Variants in UBR2 observed in about 807,000 individuals in gnomAD.
The protein encoded by UBR2 is E3 ubiquitin-protein ligase UBR2.
A neutral mutation model predicts 247.9 loss-of-function variants in UBR2; 92 were observed. The ratio of observed to expected loss-of-function variants is 0.37; its 90% CI spans 0.31 to 0.44. UBR2 has a LOEUF of 0.44. UBR2 is among the 20% of genes least tolerant of loss of function. The pLI is 1.00. For missense variants in UBR2, 1,613 were observed against 2,112.6 expected, an observed-to-expected ratio of 0.76 and a Z score of 4.64; for synonymous variants, 672 against 693.5, an observed-to-expected ratio of 0.97 and a Z score of 0.49.
chr6:42,632,049 G>T (rs1380774921), intron 11 of UBR2, among the ~76,000 whole-genome samples: 3 of 53,484 alleles, frequency 5.6e-5, no homozygotes, highest in South Asian at 7.1e-4. Flanking sequence ...ACATGTATTT[G>T]CTTATTTAAA....
chr6:42,582,828 G>T (rs919863900), intron 2 of UBR2, among the ~76,000 whole-genome samples: 3 of 151,556 alleles, frequency 2.0e-5, no homozygotes, highest in Admixed American at 1.3e-4. Context: ...TCTATTTAAT[G>T]ATATCTCATT....
chr6:42,629,958 T>G (rs1485626741), intron 11 of UBR2, among the ~76,000 whole-genome samples: 1 of 152,132 alleles, frequency 6.6e-6, no homozygotes, highest in Non-Finnish European at 1.5e-5. Flanking sequence ...AGTCAAGGCC[T>G]TGCTGTGTTG....
In UBR2 at chr6:42,605,755, AATG is replaced by A; in HGVS notation, c.702_704del (p.Asp234del). 6.2e-7 allele frequency: 1 copy of A among 1,611,886 alleles called. No individual in the cohort carries two copies. Among genetic ancestry groups the A allele is most frequent in the Non-Finnish European group, 8.5e-7 (1 of 1,179,212 alleles). ...TGACACCTACTATTGCATGCTGTTT[AATG>A]ATGAGGTTCACACCTATGAACAAGT... On this transcript the variant is annotated inframe_deletion, in exon 6 of 47. Transcript: ENST00000372901.
chr6:42,620,481 G>GTTGTTTTT (rs1794904765), intron 11 of UBR2: 2 of 66,620 alleles, frequency 3.0e-5, no homozygotes, highest in African/African-American at 7.5e-5. Flanking sequence ...ATTAAGTGTT[G>GTTGTTTTT]TTTTTTTTTT....
chr6:42,631,159 T>G (rs1302589988), intron 11 of UBR2, among the ~76,000 whole-genome samples: 1 of 152,174 alleles, frequency 6.6e-6, no homozygotes, highest in Non-Finnish European at 1.5e-5. Context: ...TCTTGACTTA[T>G]GCGAGGCCTG....
chr6:42,646,410 C>T (rs1796754317), intron 21 of UBR2, among the ~76,000 whole-genome samples: 2 of 152,218 alleles, frequency 1.3e-5, no homozygotes, highest in Non-Finnish European at 2.9e-5. Context: ...TCACCAGCTT[C>T]AACAGAGGCC....
intron 41 of UBR2, 118 bp from the exon 42 acceptor site, chr6:42,679,606 G>A (rs1798911238): frequency 5.4e-6 from 4 of 736,342 alleles, no homozygotes; most frequent in Middle Eastern, 2.4e-4. Flanking sequence ...TACAAGTTAC[G>A]TACCTGGCAA....
intron 11 of UBR2, among the ~76,000 whole-genome samples, chr6:42,624,418 G>A (rs948723707): frequency 6.6e-6 from 1 of 151,746 alleles, no homozygotes; most frequent in Non-Finnish European, 1.5e-5. Context: ...CTACCAAAGT[G>A]TTGGGATTAC....
At chr6:42,643,823 G>T (rs536994750) in intron 18 of UBR2, among the ~76,000 whole-genome samples, 1 of 151,958 alleles carries the variant, frequency 6.6e-6, no homozygotes, top group Non-Finnish European at 1.5e-5. Context: ...ATACTAGAAG[G>T]TTACTTAATA....
chr6:42,575,086 T>A (rs146448681), intron 2 of UBR2, among the ~76,000 whole-genome samples: 6 of 152,354 alleles, frequency 3.9e-5, no homozygotes, highest in African/African-American at 1.4e-4. Flanking sequence ...ATATGTTACA[T>A]ATACTGAGCT....
Position 42,652,011 on chromosome 6 carries a change from AT to A in UBR2, c.2566-6del. ...ACTAATTCCCGGTCCAAATAACTTT[AT>A]TTTTTATTAGGCAGAAGAAGCGCAA... is the stretch of plus-strand genomic sequence containing the variant. On this transcript the variant is annotated splice_polypyrimidine_tract_variant and intron_variant, in intron 23 of 46. Transcript: ENST00000372901. 6.3e-7 allele frequency: 1 copy of A among 1,585,176 alleles called. No homozygotes were observed. Among genetic ancestry groups the A allele is most frequent in the Middle Eastern group, 1.7e-4 (1 of 5,944 alleles).
chr6:42,570,295 T>G (rs1791034553), intron 1 of UBR2, among the ~76,000 whole-genome samples: 1 of 152,214 alleles, frequency 6.6e-6, no homozygotes, highest in Admixed American at 6.5e-5. Flanking sequence ...TACAGTGGCG[T>G]GATCTAGGCT....
At chr6:42,594,348 TATTTTGAG>T in intron 4 of UBR2, 44 bp downstream of exon 4, 1 of 1,483,848 alleles carries the variant, frequency 6.7e-7, no homozygotes, top group Non-Finnish European at 9.4e-7. Flanking sequence ...AAGTTTGAAA[TATTTTGAG>T]AAATAGTCAT....
chr6:42,621,547 C>A (rs1794997699), intron 11 of UBR2, among the ~76,000 whole-genome samples: 1 of 151,940 alleles, frequency 6.6e-6, no homozygotes, highest in Non-Finnish European at 1.5e-5. Flanking sequence ...ACTGCAACCT[C>A]CGCCTCCCGG....
chr6:42,594,543 A>G (rs1792853091), intron 4 of UBR2, among the ~76,000 whole-genome samples: 2 of 152,192 alleles, frequency 1.3e-5, no homozygotes, highest in South Asian at 4.1e-4. Context: ...TGTTTTAAGC[A>G]TACTTGAAGT....
intron 42 of UBR2, among the ~76,000 whole-genome samples, chr6:42,682,172 C>T (rs1799095374): frequency 6.6e-6 from 1 of 152,120 alleles, no homozygotes; most frequent in Admixed American, 6.5e-5. Flanking sequence ...AGGATAAATA[C>T]TGTATGATTC....
rs1002164936 is a variant in UBR2, at chr6:42,692,489, C to T, written c.*1316C>T. On this transcript the variant is annotated 3_prime_UTR_variant, in exon 47 of 47. Coordinates refer to ENST00000372901, the MANE Select transcript of UBR2 (RefSeq NM_001363705.2). Reference sequence around the variant, plus strand: ...ACTACTATTGTTTGATGTATGACTGCTGAGAGCTTGAATACATGCAGAGAG... The same window carrying T: ...ACTACTATTGTTTGATGTATGACTGTTGAGAGCTTGAATACATGCAGAGAG... 2.0e-5 allele frequency: 3 copies of T among 152,170 alleles called. No homozygotes were observed. The highest frequency in any genetic ancestry group is 7.2e-5 in the African/African-American group (3 of 41,440). 9.4% of individuals were successfully genotyped at this position (152,170 alleles called of 1,614,324 possible).
At chr6:42,583,435 T>G (rs1792040782) in intron 2 of UBR2, among the ~76,000 whole-genome samples, 1 of 151,484 alleles carries the variant, frequency 6.6e-6, no homozygotes, top group East Asian at 1.9e-4. Flanking sequence ...TTAGTAGAGG[T>G]GGGGTTTCCC....
intron 16 of UBR2, among the ~76,000 whole-genome samples, chr6:42,641,008 T>C (rs192085994): frequency 1.3e-5 from 2 of 152,060 alleles, no homozygotes; most frequent in African/African-American, 2.4e-5. Flanking sequence ...AGATTACAGG[T>C]GCGAGCTACC....
Sources: allele counts gnomAD v4.1 joint callset (sites outside exome capture counted in the v4.1 genomes callset), GRCh38; gene constraint gnomAD v4.1.1; transcripts MANE v1.5; gene names NCBI Gene and HGNC (gene_info 2026-07-23, HGNC 2026-07-21).